Variants in SEH1L observed in about 807,000 individuals in gnomAD.
SEH1L encodes nucleoporin SEH1.
SEH1L carries 18 observed loss-of-function variants against 49.5 expected under a neutral mutation model. That is an observed-to-expected ratio of 0.36 (90% CI 0.25 to 0.54). The LOEUF (loss-of-function observed/expected upper bound fraction) is 0.54, where lower values mean the gene tolerates loss of function less well. Ranked by LOEUF, SEH1L falls within the 20% of genes least tolerant of loss-of-function variation. The probability of loss-of-function intolerance (pLI) is 0.87; values close to 1 mark genes in which losing one functional copy is unlikely to be tolerated. For missense variants in SEH1L, 404 were observed against 528.8 expected (o/e 0.76, Z 2.31); for synonymous variants, 169 against 178.1 (o/e 0.95, Z 0.41).
chr18:12,962,647 G>A (rs1598953165), intron 3 of SEH1L, among the ~76,000 whole-genome samples: 1 of 143,018 alleles, frequency 7.0e-6, no homozygotes, highest in Non-Finnish European at 1.5e-5. Flanking sequence ...TTTTTTTTTA[G>A]TTTTTAGTAG....
chr18:12,949,442 G>GTTTTTTTTTTTTTTTTTTTTTT (rs71174155), intron 1 of SEH1L, among the ~76,000 whole-genome samples: 1 of 51,798 alleles, frequency 1.9e-5, no homozygotes, highest in Non-Finnish European at 3.5e-5. Context: ...TACGTTAACC[G>GTTTTTTTTTTTTTTTTTTTTTT]TTTTTTTTTT....
In SEH1L at chr18:12,951,837, C is replaced by T. The variant is rs758593010; in HGVS notation, c.112-18C>T. 5 of 1,501,132 alleles carry T rather than the reference C, an allele frequency of 3.3e-6. No individual in the cohort carries two copies. The highest frequency in any genetic ancestry group is 4.6e-6 in the Non-Finnish European group (5 of 1,092,028). The allele number at this position is 1,501,132 out of a possible 1,614,324, so 93.0% of individuals were successfully genotyped here. ...TAGGAATTTTTGTATAAAATATCTG[C>T]CTTTTATTTTCTTATAGGTCTGGGA... On this transcript the variant is annotated intron_variant, in intron 1 of 8. Transcript: ENST00000399892.
At chr18:12,979,636 T>G (rs1376985686) in intron 6 of SEH1L, among the ~76,000 whole-genome samples, 1 of 151,108 alleles carries the variant, frequency 6.6e-6, no homozygotes, top group African/African-American at 2.4e-5. Flanking sequence ...CACTTCCCAG[T>G]AGGGGCGGCC....
chr18:12,961,392 G>A (rs1037277034), intron 3 of SEH1L, among the ~76,000 whole-genome samples: 10 of 152,172 alleles, frequency 6.6e-5, no homozygotes, highest in Non-Finnish European at 1.2e-4. Flanking sequence ...TAGAGAGAAA[G>A]TTTAACAACT....
At chr18:12,983,788 G>A (rs2032362835) in intron 7 of SEH1L, among the ~76,000 whole-genome samples, 1 of 152,194 alleles carries the variant, frequency 6.6e-6, no homozygotes, top group Non-Finnish European at 1.5e-5. Context: ...GTCTTTGCTA[G>A]TATCTGTAAG....
At chr18:12,971,028 A>G (rs926645848) in intron 4 of SEH1L, 125 bp from the exon 5 acceptor site, 6 of 653,316 alleles carry the variant, frequency 9.2e-6, no homozygotes, top group African/African-American at 9.0e-5. Context: ...GCAGAGACCT[A>G]GATTCACTAG....
chr18:12,962,165 G>T (rs887092200), intron 3 of SEH1L, among the ~76,000 whole-genome samples: 1 of 151,944 alleles, frequency 6.6e-6, no homozygotes, highest in African/African-American at 2.4e-5. Context: ...GGAGGCTGAG[G>T]TGGGAAGATC....
intron 4 of SEH1L, among the ~76,000 whole-genome samples, chr18:12,967,389 C>T (rs2031497325): frequency 6.6e-6 from 1 of 152,240 alleles, no homozygotes; most frequent in Admixed American, 6.5e-5. Flanking sequence ...TCCCAGCCTT[C>T]CTATGTTTAG....
At chr18:12,954,608 A>G (rs368813492) in intron 2 of SEH1L, among the ~76,000 whole-genome samples, 1 of 152,020 alleles carries the variant, frequency 6.6e-6, no homozygotes, top group African/African-American at 2.4e-5. Flanking sequence ...CTGGGACCGT[A>G]AGTGCATACC....
chr18:12,980,308 G>A (rs1228362379), intron 6 of SEH1L, among the ~76,000 whole-genome samples: 3 of 121,440 alleles, frequency 2.5e-5, no homozygotes, highest in African/African-American at 9.0e-5. Flanking sequence ...TCACTTCCCA[G>A]TAGGGGCGGC....
At chr18:12,957,448 C>T (rs867949561) in intron 3 of SEH1L, among the ~76,000 whole-genome samples, 3 of 152,072 alleles carry the variant, frequency 2.0e-5, no homozygotes, top group Admixed American at 6.5e-5. Context: ...AAAATACACT[C>T]TCCTTTATCT....
intron 4 of SEH1L, among the ~76,000 whole-genome samples, chr18:12,967,198 T>C (rs1453014556): frequency 6.6e-6 from 1 of 152,252 alleles, no homozygotes; most frequent in Non-Finnish European, 1.5e-5. Context: ...ATACAGGGTT[T>C]CCACAAGTCT....
chr18:12,981,998 T>G (rs1430163237), intron 6 of SEH1L, among the ~76,000 whole-genome samples: 2 of 151,882 alleles, frequency 1.3e-5, no homozygotes, highest in African/African-American at 2.4e-5. Context: ...TAGCTGGGAC[T>G]ACAGGCGCCC....
intron 6 of SEH1L, among the ~76,000 whole-genome samples, chr18:12,979,921 G>A (rs1431875083): frequency 7.6e-6 from 1 of 131,420 alleles, no homozygotes; most frequent in African/African-American, 2.9e-5. Context: ...CCGGGCAGAG[G>A]GGCTCCTCAC....
chr18:12,978,670 G>GA, intron 5 of SEH1L, 82 bp from the exon 6 acceptor site: 13 of 1,178,582 alleles, frequency 1.1e-5, no homozygotes, highest in South Asian at 1.3e-5. Context: ...TGAGCAGTGT[G>GA]AAAAAAAGGT....
At chr18:12,985,374 C>A in intron 8 of SEH1L, 18 of 1,489,092 alleles carry the variant, frequency 1.2e-5, no homozygotes, top group Middle Eastern at 1.8e-4. Flanking sequence ...ACACCAGCAG[C>A]CTGCTTACTA....
Position 12,948,076 on chromosome 18 carries a change from TGCCGCCGCC to T in SEH1L, c.-45_-37del, listed in dbSNP as rs759798128. 1.0e-5 allele frequency: 15 copies of T among 1,484,336 alleles called. No individual in the cohort carries two copies. In the African/African-American group the frequency reaches 1.8e-4, roughly 18 times the overall value. 91.9% of individuals were successfully genotyped at this position (1,484,336 alleles called of 1,614,324 possible). On this transcript the variant is annotated 5_prime_UTR_variant, in exon 1 of 9. Coordinates refer to ENST00000399892, the MANE Select transcript of SEH1L (RefSeq NM_001013437.2). The stretch of plus-strand genomic sequence containing the variant: ...GCTACGGGCCACGCGCCGCCGCCGC[TGCCGCCGCC>T]ACTGTCCTCTTCGGAGGCGCGGGCC...
At chr18:12,958,711 T>C (rs554939776) in intron 3 of SEH1L, among the ~76,000 whole-genome samples, 127 of 152,354 alleles carry the variant, frequency 8.3e-4, no homozygotes, top group Non-Finnish European at 1.0e-4. Context: ...TAATATTCCA[T>C]TGTGTGTGTA....
intron 4 of SEH1L, 68 bp downstream of exon 4, chr18:12,963,439 T>C: frequency 1.6e-6 from 2 of 1,232,676 alleles, no homozygotes; most frequent in South Asian, 1.2e-5. Flanking sequence ...AAGCTAACAA[T>C]TTGATAATTT....
Sources: gnomAD v4.1 joint callset for allele counts (sites outside exome capture counted in the v4.1 genomes callset) on GRCh38, gnomAD v4.1.1 for gene constraint, MANE v1.5 for transcripts, NCBI Gene and HGNC (gene_info 2026-07-23, HGNC 2026-07-21) for gene names.